CNTN6: variants seen among roughly 807,000 people sequenced by gnomAD.
The protein encoded by CNTN6 is contactin-6.
In CNTN6, 137 loss-of-function variants were observed where a neutral mutation model predicts 122.8. The observed-to-expected ratio is 1.12, with a 90% CI of 0.97 to 1.29. The LOEUF (loss-of-function observed/expected upper bound fraction) is 1.29, where lower values mean the gene tolerates loss of function less well. Ranked by LOEUF, CNTN6 falls within the 50% of genes most tolerant of loss-of-function variation. The pLI is 0.00. For missense variants in CNTN6, 1,634 were observed against 1,223.4 expected, an observed-to-expected ratio of 1.34 and a Z score of -5.01; for synonymous variants, 570 against 426.0, an observed-to-expected ratio of 1.34 and a Z score of -4.16.
At position 1,255,898 on chromosome 3, in the gene CNTN6, C is replaced by T. The variant is rs184882444; in HGVS notation, c.359-22515C>T. 2.5e-4 allele frequency among the ~76,000 whole-genome samples: 38 copies of T among 151,958 alleles called. 2 individuals are homozygous for T. In the East Asian group the frequency reaches 6.8e-3, roughly 27 times the overall value. ...TTTATTGTTTTTTGAGACAGAGTCT[C>T]GCTCTGTCATCCAGGCTTGAGTACA... is the stretch of plus-strand genomic sequence containing the variant. On this transcript the variant is annotated intron_variant, in intron 4 of 22. Coordinates refer to ENST00000446702, the MANE Select transcript of CNTN6 (RefSeq NM_001289080.2).
intron 2 of CNTN6, among the ~76,000 whole-genome samples, chr3:1,197,944 T>A (rs1387813711): frequency 2.0e-5 from 3 of 152,218 alleles, no homozygotes; most frequent in Admixed American, 2.0e-4. Flanking sequence ...TTCCAATACT[T>A]CACATTAAAA....
At chr3:1,273,300 C>T (rs1691712149) in intron 4 of CNTN6, among the ~76,000 whole-genome samples, 3 of 152,134 alleles carry the variant, frequency 2.0e-5, no homozygotes, top group South Asian at 2.1e-4. Flanking sequence ...TCTCAGAGAA[C>T]GATCTCATTC....
chr3:1,225,700 T>G (rs1004059764), intron 3 of CNTN6, among the ~76,000 whole-genome samples: 3 of 53,080 alleles, frequency 5.7e-5, no homozygotes, highest in South Asian at 4.1e-4. Context: ...TTTATTATTG[T>G]TTTTTTTTTT....
chr3:1,166,397 A>G lies in CNTN6; in HGVS notation c.55+18334A>G, dbSNP rs565000703. ...ATATTCTTCCTGCATTTTGCCAAAC[A>G]CAAGGCAATTTCTAGGCTTAGTGGA... is the stretch of plus-strand genomic sequence containing the variant. On this transcript the variant is annotated intron_variant, in intron 2 of 22. Coordinates refer to ENST00000446702, the MANE Select transcript of CNTN6 (RefSeq NM_001289080.2). Among the ~76,000 whole-genome samples the G allele has an allele frequency of 2.5e-3, 382 of 152,324 alleles. 1 individual carries two copies. The highest frequency in any genetic ancestry group is 8.7e-3 in the African/African-American group (360 of 41,576).
intron 1 of CNTN6, among the ~76,000 whole-genome samples, chr3:1,108,938 A>G (rs1268118531): frequency 6.6e-6 from 1 of 152,076 alleles, no homozygotes; most frequent in Non-Finnish European, 1.5e-5. Flanking sequence ...CAATTTTAGA[A>G]TTACCATTTA....
intron 4 of CNTN6, among the ~76,000 whole-genome samples, chr3:1,235,908 G>T (rs565636670): frequency 6.6e-6 from 1 of 151,980 alleles, no homozygotes; most frequent in South Asian, 2.1e-4. Flanking sequence ...TAGGACTCAC[G>T]CTGTGTGGGG....
intron 11 of CNTN6, among the ~76,000 whole-genome samples, chr3:1,349,715 A>C (rs1222638121): frequency 6.6e-6 from 1 of 151,574 alleles, no homozygotes; most frequent in Non-Finnish European, 1.5e-5. Context: ...ATGTTAAAAA[A>C]CTGGAAATTC....
At position 1,268,408 on chromosome 3, in the gene CNTN6, C is replaced by T. The variant is rs534667124; in HGVS notation, c.359-10005C>T. On this transcript the variant is annotated intron_variant, in intron 4 of 22. Transcript: ENST00000446702. ...GGATCACGAGGTCAGGAGATCGAGACCATCCTGGTTAATGTGGTGAAACCC... is the reference window on the plus strand; with the variant it reads ...GGATCACGAGGTCAGGAGATCGAGATCATCCTGGTTAATGTGGTGAAACCC... Among the ~76,000 whole-genome samples the T allele has an allele frequency of 3.3e-3, 498 of 152,114 alleles. 3 individuals carry two copies. The highest frequency in any genetic ancestry group is 0.011 in the African/African-American group (470 of 41,490).
chr3:1,345,302 G>C (rs1704513125), intron 11 of CNTN6, among the ~76,000 whole-genome samples: 1 of 151,972 alleles, frequency 6.6e-6, no homozygotes, highest in Non-Finnish European at 1.5e-5. Flanking sequence ...TTTCAGTACA[G>C]ACGGGGTTTC....
intron 17 of CNTN6, among the ~76,000 whole-genome samples, chr3:1,378,843 G>A (rs1710249357): frequency 6.6e-6 from 1 of 152,120 alleles, no homozygotes; most frequent in South Asian, 2.1e-4. Context: ...CACTGTGATG[G>A]CTGAGGGTGG....
At chr3:1,208,134 C>G (rs2093983064) in intron 2 of CNTN6, among the ~76,000 whole-genome samples, 2 of 152,094 alleles carry the variant, frequency 1.3e-5, no homozygotes, top group Middle Eastern at 3.2e-3. Context: ...TTCTCTTTCC[C>G]TATCCTTCCT....
intron 2 of CNTN6, among the ~76,000 whole-genome samples, chr3:1,179,127 AG>A (rs2125329961): frequency 6.6e-6 from 1 of 152,222 alleles, no homozygotes; most frequent in South Asian, 2.1e-4. Context: ...CAAGAATGAC[AG>A]GGGGAAGGTA....
At chr3:1,335,237 C>G (rs1001288944) in intron 11 of CNTN6, among the ~76,000 whole-genome samples, 1 of 152,136 alleles carries the variant, frequency 6.6e-6, no homozygotes, top group Non-Finnish European at 1.5e-5. Context: ...GACAGGTGAG[C>G]TGTACACACA....
chr3:1,192,994 G>A (rs1056237764), intron 2 of CNTN6, among the ~76,000 whole-genome samples: 9 of 152,052 alleles, frequency 5.9e-5, no homozygotes, highest in East Asian at 1.9e-4. Context: ...CTAAAGAAAC[G>A]TAGCCCACTC....
intron 12 of CNTN6, among the ~76,000 whole-genome samples, chr3:1,365,307 A>G (rs949126097): frequency 2.0e-5 from 3 of 152,060 alleles, no homozygotes; most frequent in African/African-American, 7.2e-5. Flanking sequence ...AGATTAAGGA[A>G]TCTTCTTTTT....
intron 4 of CNTN6, among the ~76,000 whole-genome samples, chr3:1,242,217 T>C (rs920982731): frequency 1.3e-5 from 2 of 152,012 alleles, no homozygotes; most frequent in African/African-American, 4.8e-5. Flanking sequence ...CTAATGGGTG[T>C]CAGGGTCAGT....
chr3:1,276,495 G>A (rs3772316), intron 4 of CNTN6, among the ~76,000 whole-genome samples: 40,528 of 151,986 alleles, frequency 0.27, 5,618 homozygotes, highest in South Asian at 0.41. Flanking sequence ...TGTATTGTAC[G>A]TACATAGCTC....
At chr3:1,105,894 T>C (rs535187392) in intron 1 of CNTN6, among the ~76,000 whole-genome samples, 37 of 152,284 alleles carry the variant, frequency 2.4e-4, no homozygotes, top group Non-Finnish European at 4.1e-4. Context: ...GCTATTACAG[T>C]GTCATCTAAA....
chr3:1,217,172 G>A (rs191607167), intron 2 of CNTN6, among the ~76,000 whole-genome samples: 67 of 152,280 alleles, frequency 4.4e-4, no homozygotes, highest in African/African-American at 1.5e-3. Flanking sequence ...CAGAGCACAC[G>A]TTCTTAACCA....
Sources: gnomAD v4.1 joint callset for allele counts (sites outside exome capture counted in the v4.1 genomes callset) on GRCh38, gnomAD v4.1.1 for gene constraint, MANE v1.5 for transcripts, NCBI Gene and HGNC (gene_info 2026-07-23, HGNC 2026-07-21) for gene names.